The following MARCHF3 variants were observed in gnomAD, a reference collection of about 807,000 sequenced individuals.
The protein encoded by MARCHF3 is E3 ubiquitin-protein ligase MARCHF3.
A neutral mutation model predicts 24.2 loss-of-function variants in MARCHF3; 13 were observed. That is an observed-to-expected ratio of 0.54 (90% CI 0.35 to 0.85). The LOEUF (loss-of-function observed/expected upper bound fraction) is 0.85, where lower values mean the gene tolerates loss of function less well. Ranked by LOEUF, MARCHF3 falls within the 40% of genes least tolerant of loss-of-function variation. The probability of loss-of-function intolerance (pLI) is 0.01; values close to 1 mark genes in which losing one functional copy is unlikely to be tolerated. For synonymous variants in MARCHF3, 144 were observed against 137.3 expected (o/e 1.05, Z -0.34); for missense variants, 276 against 325.0 (o/e 0.85, Z 1.16).
rs529466479 is a variant in MARCHF3, at chr5:126,956,739, A to G, written c.-56-38512T>C. ...AAAAAAACCCAGAAAGCTTGAACTCAGATCTTAACCTGCATCCCAATCCAC... is the reference window on the plus strand; with the variant it reads ...AAAAAAACCCAGAAAGCTTGAACTCGGATCTTAACCTGCATCCCAATCCAC... On this transcript the variant is annotated intron_variant, in intron 1 of 4. Transcript: ENST00000308660. 3.3e-5 allele frequency among the ~76,000 whole-genome samples: 5 copies of G among 151,950 alleles called. No homozygotes were observed. In the South Asian group the frequency reaches 1.0e-3, roughly 32 times the overall value.
At chr5:126,932,428 C>T (rs919658124) in intron 1 of MARCHF3, among the ~76,000 whole-genome samples, 4 of 152,172 alleles carry the variant, frequency 2.6e-5, no homozygotes, top group African/African-American at 9.7e-5. Context: ...AGTGGGTGCT[C>T]GCTGAGTGGT....
At chr5:127,023,288 G>A (rs1752871549) in intron 1 of MARCHF3, among the ~76,000 whole-genome samples, 1 of 152,092 alleles carries the variant, frequency 6.6e-6, no homozygotes, top group African/African-American at 2.4e-5. Context: ...CTCCCTATAT[G>A]TGGCTTTCAA....
Position 126,998,533 on chromosome 5 carries a change from A to T in MARCHF3, c.-57+31817T>A, listed in dbSNP as rs1453121344. 2.6e-5 allele frequency among the ~76,000 whole-genome samples: 4 copies of T among 152,184 alleles called. No homozygotes were observed. The East Asian group carries it at 5.8e-4, about 22-fold the overall frequency. On this transcript the variant is annotated intron_variant, in intron 1 of 4. Transcript: ENST00000308660. Reference sequence around the variant, plus strand: ...GCAAACATTCAGCATTTCACGGCTGAGGCCACACACAGAAGCCATCAGGTG... The same window carrying T: ...GCAAACATTCAGCATTTCACGGCTGTGGCCACACACAGAAGCCATCAGGTG...
chr5:126,904,215 G>A (rs1754207226), intron 3 of MARCHF3, among the ~76,000 whole-genome samples: 1 of 148,020 alleles, frequency 6.8e-6, no homozygotes, highest in Non-Finnish European at 1.5e-5. Flanking sequence ...GTCTATCATT[G>A]TTGGACATTT....
chr5:127,002,395 T>C (rs919403453), intron 1 of MARCHF3, among the ~76,000 whole-genome samples: 6 of 152,200 alleles, frequency 3.9e-5, no homozygotes, highest in African/African-American at 1.4e-4. Context: ...GTTAAAGATG[T>C]ACCAGCCTGT....
chr5:126,998,428 A>G (rs1752016155), intron 1 of MARCHF3, among the ~76,000 whole-genome samples: 1 of 152,242 alleles, frequency 6.6e-6, no homozygotes, highest in Admixed American at 6.5e-5. Context: ...CAAGAGTGAA[A>G]CTGGAGAAGC....
chr5:127,024,586 G>A (rs955712994), intron 1 of MARCHF3, among the ~76,000 whole-genome samples: 1 of 152,200 alleles, frequency 6.6e-6, no homozygotes, highest in African/African-American at 2.4e-5. Flanking sequence ...TACTCAATTA[G>A]TATTTGTTAA....
chr5:126,940,761 T>A (rs1580664795), intron 1 of MARCHF3, among the ~76,000 whole-genome samples: 1 of 152,020 alleles, frequency 6.6e-6, no homozygotes. Context: ...TTTTTTTTTT[T>A]AATTTTAAAT....
intron 1 of MARCHF3, among the ~76,000 whole-genome samples, chr5:126,932,488 G>A (rs1749509870): frequency 2.0e-5 from 3 of 152,206 alleles, no homozygotes. Flanking sequence ...AAGGGACAGA[G>A]GTGGGCCTCT....
intron 4 of MARCHF3, among the ~76,000 whole-genome samples, chr5:126,874,097 T>C (rs895632491): frequency 2.0e-5 from 3 of 152,356 alleles, no homozygotes; most frequent in Admixed American, 2.0e-4. Context: ...AGGGCCACTA[T>C]TATAAAAATA....
At chr5:126,934,229 G>A (rs1436477103) in intron 1 of MARCHF3, among the ~76,000 whole-genome samples, 1 of 151,852 alleles carries the variant, frequency 6.6e-6, no homozygotes, top group Non-Finnish European at 1.5e-5. Context: ...TTTTTCACAA[G>A]TGCTTGGCAT....
intron 1 of MARCHF3, among the ~76,000 whole-genome samples, chr5:126,968,646 G>C (rs1750895873): frequency 6.6e-6 from 1 of 152,120 alleles, no homozygotes; most frequent in Non-Finnish European, 1.5e-5. Context: ...TGGGTTCTTG[G>C]CTCACTGCAA....
chr5:126,972,144 T>C (rs1457429678), intron 1 of MARCHF3, among the ~76,000 whole-genome samples: 2 of 151,974 alleles, frequency 1.3e-5, no homozygotes, highest in Non-Finnish European at 2.9e-5. Flanking sequence ...CTCTTGCTGC[T>C]TTCACAGAGT....
At chr5:127,005,657 C>T (rs1013146485) in intron 1 of MARCHF3, among the ~76,000 whole-genome samples, 1 of 152,026 alleles carries the variant, frequency 6.6e-6, no homozygotes, top group Non-Finnish European at 1.5e-5. Flanking sequence ...TTTATTGTCT[C>T]AAAGGGGTCT....
At chr5:126,994,899 TC>T (rs1244577491) in intron 1 of MARCHF3, among the ~76,000 whole-genome samples, 15 of 151,990 alleles carry the variant, frequency 9.9e-5, no homozygotes. Flanking sequence ...ACTCCAAGAG[TC>T]CAAAAGCTGA....
At chr5:127,012,379 T>A (rs1485261526) in intron 1 of MARCHF3, among the ~76,000 whole-genome samples, 1 of 152,206 alleles carries the variant, frequency 6.6e-6, no homozygotes, top group African/African-American at 2.4e-5. Context: ...ATTATGTCAG[T>A]ACCTAGTAAA....
intron 1 of MARCHF3, among the ~76,000 whole-genome samples, chr5:126,993,054 G>A (rs1200440270): frequency 6.6e-6 from 1 of 152,300 alleles, no homozygotes; most frequent in East Asian, 1.9e-4. Flanking sequence ...TTACAGGCGT[G>A]AGCCACTGCG....
At chr5:126,905,390 G>A (rs1423402100) in intron 3 of MARCHF3, among the ~76,000 whole-genome samples, 1 of 143,232 alleles carries the variant, frequency 7.0e-6, no homozygotes, top group East Asian at 2.0e-4. Context: ...CATTGAATCT[G>A]TAAATTACCT....
intron 3 of MARCHF3, among the ~76,000 whole-genome samples, chr5:126,901,529 G>A (rs1754107183): frequency 6.6e-6 from 1 of 152,254 alleles, no homozygotes; most frequent in Admixed American, 6.6e-5. Context: ...GTTTACAACT[G>A]ATTGTTAGGC....
Sources: gnomAD v4.1 joint callset for allele counts (sites outside exome capture counted in the v4.1 genomes callset) on GRCh38, gnomAD v4.1.1 for gene constraint, MANE v1.5 for transcripts, NCBI Gene and HGNC (gene_info 2026-07-23, HGNC 2026-07-21) for gene names.